Variants in WDR59 observed in about 807,000 individuals in gnomAD.
The protein encoded by WDR59 is GATOR2 complex protein WDR59.
A neutral mutation model predicts 131.2 loss-of-function variants in WDR59; 100 were observed. The ratio of observed to expected loss-of-function variants is 0.76; its 90% CI spans 0.65 to 0.90. The LOEUF (loss-of-function observed/expected upper bound fraction) is 0.90, where lower values mean the gene tolerates loss of function less well. Ranked by LOEUF, WDR59 falls within the 40% of genes least tolerant of loss-of-function variation. The probability of loss-of-function intolerance (pLI) is 0.00; values close to 1 mark genes in which losing one functional copy is unlikely to be tolerated. For missense variants in WDR59, 1,203 were observed against 1,262.2 expected, an observed-to-expected ratio of 0.95 and a Z score of 0.71; for synonymous variants, 601 against 466.2, an observed-to-expected ratio of 1.29 and a Z score of -3.72.
intron 20 of WDR59, among the ~76,000 whole-genome samples, chr16:74,890,017 G>T (rs1016271402): frequency 6.6e-6 from 1 of 152,160 alleles, no homozygotes; most frequent in Admixed American, 6.6e-5. Flanking sequence ...CAACTCTTTA[G>T]GGGAGTTATG....
intron 16 of WDR59, 23 bp downstream of exon 16, chr16:74,909,478 A>G (rs1446150639): frequency 2.1e-5 from 32 of 1,520,204 alleles, no homozygotes; most frequent in Non-Finnish European, 2.7e-5. Flanking sequence ...GAAATCTAGA[A>G]TCAAAGAACC....
At chr16:74,972,306 T>A (rs1422542558) in intron 1 of WDR59, among the ~76,000 whole-genome samples, 1 of 152,172 alleles carries the variant, frequency 6.6e-6, no homozygotes, top group African/African-American at 2.4e-5. Context: ...GGAAATCAAT[T>A]CCATGAGACT....
intron 8 of WDR59, among the ~76,000 whole-genome samples, chr16:74,934,270 C>G (rs2031624660): frequency 6.6e-6 from 1 of 151,982 alleles, no homozygotes; most frequent in Non-Finnish European, 1.5e-5. Flanking sequence ...CACGTTCATG[C>G]ATAAAGACTG....
intron 3 of WDR59, among the ~76,000 whole-genome samples, chr16:74,953,466 C>G (rs960464958): frequency 2.3e-4 from 31 of 136,236 alleles, no homozygotes; most frequent in African/African-American, 7.9e-4. Flanking sequence ...GAACGAGACT[C>G]CGTCTCAAAA....
intron 14 of WDR59, among the ~76,000 whole-genome samples, chr16:74,910,622 T>A (rs1254555903): frequency 6.6e-6 from 1 of 152,220 alleles, no homozygotes; most frequent in Non-Finnish European, 1.5e-5. Flanking sequence ...GGCATGGATT[T>A]CACTTCAGTG....
At chr16:74,890,182 G>A (rs997609920) in intron 20 of WDR59, among the ~76,000 whole-genome samples, 3 of 152,024 alleles carry the variant, frequency 2.0e-5, no homozygotes, top group Admixed American at 2.0e-4. Flanking sequence ...ACAGAGTCTC[G>A]CTCTGTCGCC....
At chr16:74,903,764 A>C (rs111974897) in intron 18 of WDR59, among the ~76,000 whole-genome samples, 183 bp downstream of exon 18, 8 of 152,330 alleles carry the variant, frequency 5.3e-5, no homozygotes, top group African/African-American at 1.9e-4. Flanking sequence ...ACCCATACAC[A>C]CACAATTTAT....
intron 8 of WDR59, among the ~76,000 whole-genome samples, chr16:74,933,990 T>C (rs1425989547): frequency 6.6e-6 from 1 of 152,242 alleles, no homozygotes; most frequent in Non-Finnish European, 1.5e-5. Flanking sequence ...AAACTACTTT[T>C]GGGTTTCCCA....
At chr16:74,923,185 T>G (rs929230201) in intron 9 of WDR59, among the ~76,000 whole-genome samples, 18 of 152,198 alleles carry the variant, frequency 1.2e-4, no homozygotes, top group African/African-American at 4.3e-4. Flanking sequence ...AAATTACTAT[T>G]CATATTCTAC....
At chr16:74,887,644 C>T (rs1964830552) in intron 23 of WDR59, 39 bp downstream of exon 23, 6 of 1,600,408 alleles carry the variant, frequency 3.7e-6, no homozygotes, top group East Asian at 2.2e-5. Flanking sequence ...TCTGGGAGAA[C>T]TAAAAATCCA....
intron 13 of WDR59, among the ~76,000 whole-genome samples, chr16:74,913,444 T>G (rs1320635178): frequency 6.6e-6 from 1 of 151,960 alleles, no homozygotes; most frequent in African/African-American, 2.4e-5. Context: ...TTTGTTGTTG[T>G]TGTTGTTGTT....
intron 1 of WDR59, among the ~76,000 whole-genome samples, chr16:74,972,118 A>G (rs932761144): frequency 6.6e-6 from 1 of 152,196 alleles, no homozygotes; most frequent in Non-Finnish European, 1.5e-5. Context: ...AAGAGAATGA[A>G]GTTCTTAGAA....
At chr16:74,902,656 C>T (rs1965609805) in intron 18 of WDR59, among the ~76,000 whole-genome samples, 1 of 152,148 alleles carries the variant, frequency 6.6e-6, no homozygotes, top group African/African-American at 2.4e-5. Flanking sequence ...CCTCCTTGAC[C>T]TGGCCCTGAC....
At position 74,969,434 on chromosome 16, in the gene WDR59, G is replaced by A. The variant is rs192797847; in HGVS notation, c.55-3612C>T. On this transcript the variant is annotated intron_variant, in intron 1 of 25. Coordinates refer to ENST00000262144, the MANE Select transcript of WDR59 (RefSeq NM_030581.4). ...ATTACAGGTGCATGCCACTACGCTC[G>A]GCTAATTTTTTTATTTTTAGTAGAG... is the stretch of plus-strand genomic sequence containing the variant. 1.1e-4 allele frequency among the ~76,000 whole-genome samples: 16 copies of A among 151,914 alleles called. No homozygotes were observed. The South Asian group carries it at 1.9e-3, about 18-fold the overall frequency.
At chr16:74,976,876 G>A (rs1283551090) in intron 1 of WDR59, among the ~76,000 whole-genome samples, 2 of 152,032 alleles carry the variant, frequency 1.3e-5, no homozygotes, top group East Asian at 1.9e-4. Context: ...GCCTGGTGGT[G>A]TGTGCCTGCA....
At chr16:74,957,262 G>A (rs2033338970) in intron 2 of WDR59, among the ~76,000 whole-genome samples, 1 of 151,556 alleles carries the variant, frequency 6.6e-6, no homozygotes, top group Non-Finnish European at 1.5e-5. Flanking sequence ...TGCATTTTTT[G>A]TAGAGACGGA....
chr16:74,948,103 T>C (rs1385507040), intron 6 of WDR59, among the ~76,000 whole-genome samples: 1 of 151,940 alleles, frequency 6.6e-6, no homozygotes, highest in African/African-American at 2.4e-5. Flanking sequence ...GGGATGAAGG[T>C]GGAGGTGAAA....
In WDR59 at chr16:74,938,195, G is replaced by A. The variant is rs1597753452; in HGVS notation, c.606C>T (p.Asp202=). The stretch of plus-strand genomic sequence containing the variant: ...TGGAGGTAGCAAGAATGTGCTCGCT[G>A]TCTGGGTGCCAGTCCAGGCCATGGA... The part of the protein sequence containing the change: ...SKIHGLDWHP[D]SEHILATSSQ... The change falls in exon 8 of 26, where the codon GAC becomes GAT. Residue 202 remains aspartate, a synonymous_variant. Coordinates refer to ENST00000262144, the MANE Select transcript of WDR59 (RefSeq NM_030581.4). 5 of 1,574,604 alleles carry A rather than the reference G, an allele frequency of 3.2e-6. No individual in the cohort carries two copies. Among genetic ancestry groups the A allele is most frequent in the South Asian group, 1.2e-5 (1 of 85,714 alleles).
intron 18 of WDR59, among the ~76,000 whole-genome samples, chr16:74,899,412 G>A (rs149410151): frequency 3.3e-5 from 5 of 152,238 alleles, no homozygotes; most frequent in South Asian, 4.1e-4. Flanking sequence ...GTAAGCTAAC[G>A]GCTTACAATC....
Sources: allele counts gnomAD v4.1 joint callset (sites outside exome capture counted in the v4.1 genomes callset), GRCh38; gene constraint gnomAD v4.1.1; transcripts MANE v1.5; gene names NCBI Gene and HGNC (gene_info 2026-07-23, HGNC 2026-07-21).